The following ADAMTS3 variants were observed in gnomAD, a reference collection of about 807,000 sequenced individuals.
The protein encoded by ADAMTS3 is ADAM metallopeptidase with thrombospondin type 1 motif 3.
In ADAMTS3, 73 loss-of-function variants were observed where a neutral mutation model predicts 129.0. The ratio of observed to expected loss-of-function variants is 0.57; its 90% CI spans 0.47 to 0.69. The LOEUF is 0.69. Among genes scored for constraint, ADAMTS3 ranks in the 30% least tolerant of loss-of-function variants. The pLI is 0.00. For missense variants in ADAMTS3, 1,457 were observed against 1,514.5 expected (o/e 0.96, Z 0.63); for synonymous variants, 477 against 510.8 (o/e 0.93, Z 0.89).
At chr4:72,543,140 A>C (rs1373495863) in intron 3 of ADAMTS3, among the ~76,000 whole-genome samples, 1 of 152,230 alleles carries the variant, frequency 6.6e-6, no homozygotes, top group Non-Finnish European at 1.5e-5. Context: ...TTGCATCAAA[A>C]TAAACTTGTA....
intron 17 of ADAMTS3, among the ~76,000 whole-genome samples, chr4:72,299,864 T>A (rs1450569333): frequency 6.6e-6 from 1 of 152,172 alleles, no homozygotes; most frequent in African/African-American, 2.4e-5. Context: ...TTTTGTAATA[T>A]GAGTTGCAAA....
intron 5 of ADAMTS3, 102 bp downstream of exon 5, chr4:72,339,392 G>T: frequency 2.0e-6 from 2 of 992,938 alleles, no homozygotes; most frequent in Non-Finnish European, 1.5e-6. Context: ...CACATATTTT[G>T]GCACAGTCAT....
chr4:72,305,820 A>ACG (rs1719072232), intron 16 of ADAMTS3, among the ~76,000 whole-genome samples, 167 bp downstream of exon 16: 1 of 152,084 alleles, frequency 6.6e-6, no homozygotes, highest in Non-Finnish European at 1.5e-5. Flanking sequence ...ATGCACATGT[A>ACG]CGCACATATA....
Position 72,569,110 on chromosome 4 carries a change from T to C in ADAMTS3, c.-348A>G. 1 of 322,336 alleles carries C rather than the reference T, an allele frequency of 3.1e-6. No individual in the cohort carries two copies. Among genetic ancestry groups the C allele is most frequent in the Non-Finnish European group, 5.7e-6 (1 of 174,110 alleles). 20.0% of individuals were successfully genotyped at this position (322,336 alleles called of 1,614,324 possible). On this transcript the variant is annotated 5_prime_UTR_variant, in exon 1 of 22. Coordinates refer to ENST00000286657, the MANE Select transcript of ADAMTS3 (RefSeq NM_014243.3). The stretch of plus-strand genomic sequence containing the variant: ...TGCCCAAAGCAGCTTTTTCGAGGCT[T>C]TTCGAGCACCATTGGTCCCTAAGGT...
intron 16 of ADAMTS3, among the ~76,000 whole-genome samples, chr4:72,304,886 G>T (rs1232090566): frequency 2.0e-5 from 3 of 151,842 alleles, no homozygotes; most frequent in Non-Finnish European, 4.4e-5. Context: ...TTTTTCCAAG[G>T]ACATTAATAT....
intron 20 of ADAMTS3, among the ~76,000 whole-genome samples, chr4:72,289,352 A>T (rs1718599264): frequency 6.6e-6 from 1 of 152,198 alleles, no homozygotes. Flanking sequence ...CTTCTTTCTT[A>T]CAGATAGCAG....
intron 17 of ADAMTS3, among the ~76,000 whole-genome samples, chr4:72,303,294 T>TGC (rs1253700748): frequency 2.6e-5 from 4 of 151,918 alleles, no homozygotes; most frequent in Non-Finnish European, 5.9e-5. Flanking sequence ...AGTGTGTGTG[T>TGC]GCTACTGCCA....
chr4:72,310,868 A>T (rs1032009143), intron 14 of ADAMTS3, among the ~76,000 whole-genome samples, 180 bp downstream of exon 14: 1 of 152,128 alleles, frequency 6.6e-6, no homozygotes, highest in African/African-American at 2.4e-5. Flanking sequence ...GCCAGTGACC[A>T]AAGTTTGATT....
intron 4 of ADAMTS3, among the ~76,000 whole-genome samples, chr4:72,354,035 A>G (rs1009065694): frequency 5.3e-5 from 8 of 151,990 alleles, no homozygotes; most frequent in Non-Finnish European, 1.2e-4. Flanking sequence ...AGTATTCAGA[A>G]AGTGTACCAA....
Position 72,413,317 on chromosome 4 carries a change from T to C in ADAMTS3, c.661+1498A>G, listed in dbSNP as rs114762470. Among the ~76,000 whole-genome samples the C allele has an allele frequency of 8.8e-3, 1,335 of 152,086 alleles. 5 individuals are homozygous for C. The highest frequency in any genetic ancestry group is 0.014 in the Non-Finnish European group (920 of 67,898). ...TGCGTTCCTAAAAAATATTTAACCA[T>C]TGCTTTGAAAGAGGTATTAGGTATT... On this transcript the variant is annotated intron_variant, in intron 4 of 21. Coordinates refer to ENST00000286657, the MANE Select transcript of ADAMTS3 (RefSeq NM_014243.3).
Position 72,432,167 on chromosome 4 carries a change from C to A in ADAMTS3, c.505-17196G>T, listed in dbSNP as rs148578043. Among the ~76,000 whole-genome samples, 178 of 151,986 alleles carry A rather than the reference C, an allele frequency of 1.2e-3. 1 individual carries two copies. The highest frequency in any genetic ancestry group is 4.1e-3 in the African/African-American group (169 of 41,512). On this transcript the variant is annotated intron_variant, in intron 3 of 21. Transcript: ENST00000286657. The stretch of plus-strand genomic sequence containing the variant: ...CATAGGAGAACTGTAATTCCAGTTT[C>A]CTCCACAATTAGGTGTGTCCAGATT...
At chr4:72,518,689 G>T (rs1345336301) in intron 3 of ADAMTS3, among the ~76,000 whole-genome samples, 1 of 151,684 alleles carries the variant, frequency 6.6e-6, no homozygotes, top group Non-Finnish European at 1.5e-5. Context: ...CCATTTGCTT[G>T]GCAGATCTTC....
At chr4:72,426,829 G>A (rs1722586551) in intron 3 of ADAMTS3, among the ~76,000 whole-genome samples, 1 of 152,102 alleles carries the variant, frequency 6.6e-6, no homozygotes, top group Non-Finnish European at 1.5e-5. Flanking sequence ...TGGAGGTCAA[G>A]ACTGCAGTGA....
At chr4:72,483,926 G>T (rs1007751659) in intron 3 of ADAMTS3, among the ~76,000 whole-genome samples, 3 of 152,144 alleles carry the variant, frequency 2.0e-5, no homozygotes, top group Non-Finnish European at 4.4e-5. Flanking sequence ...GCTGAGGCAG[G>T]AGAATGGCGT....
rs1437049359 is a variant in ADAMTS3 at position 72,456,099 on chromosome 4, T to G, written c.505-41128A>C. 4.5e-5 allele frequency among the ~76,000 whole-genome samples: 3 copies of G among 66,792 alleles called. 1 individual carries two copies. The highest frequency in any genetic ancestry group is 2.6e-4 in the Admixed American group (1 of 3,818). The allele number at this position is 66,792 out of a possible 152,430, so 43.8% of individuals were successfully genotyped here. A position where few individuals can be genotyped will look rare whatever the true frequency, so the allele number is the denominator to read the frequency against. The stretch of plus-strand genomic sequence containing the variant: ...ATATACTATATATATTTTATATATA[T>G]AGTATATATACTATATATATTTTAT... On this transcript the variant is annotated intron_variant, in intron 3 of 21. Coordinates refer to ENST00000286657, the MANE Select transcript of ADAMTS3 (RefSeq NM_014243.3).
intron 4 of ADAMTS3, among the ~76,000 whole-genome samples, chr4:72,353,547 T>C (rs564376155): frequency 6.6e-6 from 1 of 152,044 alleles, no homozygotes; most frequent in Admixed American, 6.6e-5. Flanking sequence ...AGTCAGCAGG[T>C]CCAGCAGCAG....
intron 3 of ADAMTS3, among the ~76,000 whole-genome samples, chr4:72,490,936 A>C (rs1719724557): frequency 6.6e-6 from 1 of 151,908 alleles, no homozygotes; most frequent in Admixed American, 6.6e-5. Flanking sequence ...CATTTTAACA[A>C]TATTAATTCT....
chr4:72,452,543 C>T (rs1718433908), intron 3 of ADAMTS3, among the ~76,000 whole-genome samples: 1 of 151,752 alleles, frequency 6.6e-6, no homozygotes, highest in Non-Finnish European at 1.5e-5. Context: ...GAACATGAAT[C>T]TATCAGCAAG....
At chr4:72,301,481 CA>C (rs937385538) in intron 17 of ADAMTS3, among the ~76,000 whole-genome samples, 2 of 152,040 alleles carry the variant, frequency 1.3e-5, no homozygotes, top group African/African-American at 4.8e-5. Flanking sequence ...ACAGATATTT[CA>C]AAATGGAACT....
Sources: gnomAD v4.1 joint callset for allele counts (sites outside exome capture counted in the v4.1 genomes callset) on GRCh38, gnomAD v4.1.1 for gene constraint, MANE v1.5 for transcripts, NCBI Gene and HGNC (gene_info 2026-07-23, HGNC 2026-07-21) for gene names.